The following AGBL1 variants were observed in gnomAD, a reference collection of about 807,000 sequenced individuals.
The protein encoded by AGBL1 is AGBL carboxypeptidase 1, also known as cytosolic carboxypeptidase 4.
AGBL1 carries 130 observed loss-of-function variants against 118.9 expected under a neutral mutation model. The ratio of observed to expected loss-of-function variants is 1.09; its 90% CI spans 0.95 to 1.26. The LOEUF (loss-of-function observed/expected upper bound fraction) is 1.26. AGBL1 is among the 50% of genes most tolerant of loss of function. The pLI, the probability that AGBL1 is intolerant of heterozygous loss-of-function variation, is 0.00. For missense variants in AGBL1, 1,584 were observed against 1,298.1 expected, an observed-to-expected ratio of 1.22 and a Z score of -3.38; for synonymous variants, 555 against 478.9, an observed-to-expected ratio of 1.16 and a Z score of -2.08.
At chr15:86,224,050 T>C (rs1463028499) in intron 5 of AGBL1, among the ~76,000 whole-genome samples, 3 of 152,206 alleles carry the variant, frequency 2.0e-5, no homozygotes, top group Non-Finnish European at 4.4e-5. Flanking sequence ...CTCTTTGGCC[T>C]GTTCCTCCAA....
At chr15:86,166,605 G>C (rs1039713375) in intron 5 of AGBL1, among the ~76,000 whole-genome samples, 2 of 152,202 alleles carry the variant, frequency 1.3e-5, no homozygotes, top group Non-Finnish European at 2.9e-5. Context: ...CTAATCCCCT[G>C]TCACCTGGGT....
chr15:86,254,481 G>C (rs1323190272), intron 7 of AGBL1, among the ~76,000 whole-genome samples: 1 of 152,212 alleles, frequency 6.6e-6, no homozygotes, highest in Admixed American at 6.5e-5. Flanking sequence ...CATGCAAGTA[G>C]GGTATTTATT....
chr15:86,743,521 A>AG (rs2077710574), intron 22 of AGBL1, among the ~76,000 whole-genome samples: 3 of 152,110 alleles, frequency 2.0e-5, no homozygotes, highest in Non-Finnish European at 4.4e-5. Flanking sequence ...TTGTGGCCAT[A>AG]GTGCATGTGG....
chr15:86,483,983 A>C (rs2082683929), intron 18 of AGBL1, among the ~76,000 whole-genome samples: 1 of 152,038 alleles, frequency 6.6e-6, no homozygotes, highest in South Asian at 2.1e-4. Context: ...TTTCCAGTTC[A>C]AGTTTGAAGG....
intron 21 of AGBL1, among the ~76,000 whole-genome samples, chr15:86,623,459 G>T (rs2084841897): frequency 6.6e-6 from 1 of 152,184 alleles, no homozygotes; most frequent in Non-Finnish European, 1.5e-5. Flanking sequence ...AGCTGTCTAG[G>T]ATATGCAGAA....
At chr15:86,232,795 A>G (rs1025365722) in intron 6 of AGBL1, among the ~76,000 whole-genome samples, 6 of 152,128 alleles carry the variant, frequency 3.9e-5, no homozygotes, top group African/African-American at 1.4e-4. Context: ...CCATGTAAGG[A>G]CAATGCCCTC....
rs932981365 is a variant in AGBL1 at position 86,800,248 on chromosome 15, G to A, written c.3159-106839G>A. Reference sequence around the variant, plus strand: ...ACATATTATTTTGGGACATATTTATGAGCTGTAGTTTGCAAAACCATGCCA... The same window carrying A: ...ACATATTATTTTGGGACATATTTATAAGCTGTAGTTTGCAAAACCATGCCA... On this transcript the variant is annotated intron_variant, in intron 22 of 22. Coordinates refer to ENST00000614907, the MANE Select transcript of AGBL1 (RefSeq NM_001386094.1). 2.0e-5 allele frequency among the ~76,000 whole-genome samples: 3 copies of A among 152,034 alleles called. No homozygotes were observed. In the East Asian group the frequency reaches 5.8e-4, roughly 29 times the overall value.
intron 17 of AGBL1, among the ~76,000 whole-genome samples, chr15:86,333,792 G>T (rs911541595): frequency 2.0e-5 from 3 of 152,088 alleles, no homozygotes; most frequent in African/African-American, 7.2e-5. Context: ...TCAACAAAAT[G>T]CTAGCAAGCT....
chr15:86,943,595 T>C (rs986810021), intron 23 of AGBL1, among the ~76,000 whole-genome samples: 1 of 152,184 alleles, frequency 6.6e-6, no homozygotes, highest in African/African-American at 2.4e-5. Context: ...CCTAATCTTT[T>C]GTTATGCAGA....
intron 21 of AGBL1, among the ~76,000 whole-genome samples, chr15:86,572,164 G>C (rs549763647): frequency 1.3e-5 from 2 of 152,162 alleles, no homozygotes; most frequent in Admixed American, 1.3e-4. Context: ...AGTGGGAGCA[G>C]GCACTTCCGG....
chr15:86,157,610 T>A (rs2077209790), intron 4 of AGBL1, among the ~76,000 whole-genome samples: 1 of 152,140 alleles, frequency 6.6e-6, no homozygotes. Context: ...TTAAAAAAAT[T>A]ATACTGTCAC....
chr15:86,888,925 C>T (rs1037078016), intron 22 of AGBL1, among the ~76,000 whole-genome samples: 1 of 152,028 alleles, frequency 6.6e-6, no homozygotes, highest in Non-Finnish European at 1.5e-5. Flanking sequence ...CAATAGATGG[C>T]GTTAATTTCT....
At chr15:86,830,864 A>G (rs570035290) in intron 22 of AGBL1, among the ~76,000 whole-genome samples, 46 of 152,276 alleles carry the variant, frequency 3.0e-4, no homozygotes, top group African/African-American at 8.9e-4. Flanking sequence ...TCATATAACA[A>G]TGCTTCAGAT....
intron 5 of AGBL1, among the ~76,000 whole-genome samples, chr15:86,174,032 G>A (rs1319945577): frequency 6.6e-6 from 1 of 151,664 alleles, no homozygotes; most frequent in East Asian, 1.9e-4. Flanking sequence ...TTGCTTTGGA[G>A]TAGTATAGTC....
chr15:86,690,736 T>C (rs1222171544), intron 22 of AGBL1, among the ~76,000 whole-genome samples: 1 of 152,186 alleles, frequency 6.6e-6, no homozygotes, highest in Non-Finnish European at 1.5e-5. Flanking sequence ...TAGAAAATTA[T>C]GCTTCATTCC....
At chr15:86,720,090 C>T (rs1437757727) in intron 22 of AGBL1, among the ~76,000 whole-genome samples, 2 of 152,196 alleles carry the variant, frequency 1.3e-5, no homozygotes, top group Non-Finnish European at 2.9e-5. Flanking sequence ...CAAGTATATA[C>T]AGATTACTGT....
intron 3 of AGBL1, among the ~76,000 whole-genome samples, chr15:86,152,845 C>A (rs2077132427): frequency 6.6e-6 from 1 of 152,264 alleles, no homozygotes; most frequent in South Asian, 2.1e-4. Flanking sequence ...AAAAAGTGGG[C>A]AAAGGATATG....
intron 5 of AGBL1, among the ~76,000 whole-genome samples, chr15:86,185,517 C>A (rs1291395869): frequency 6.6e-6 from 1 of 152,094 alleles, no homozygotes; most frequent in Non-Finnish European, 1.5e-5. Flanking sequence ...AAATGTCCAT[C>A]AATGATAGAC....
chr15:86,852,340 C>T (rs1361271601), intron 22 of AGBL1, among the ~76,000 whole-genome samples: 1 of 152,148 alleles, frequency 6.6e-6, no homozygotes, highest in Non-Finnish European at 1.5e-5. Context: ...CAAACACCTC[C>T]CTCTCTCCAC....
Sources: gnomAD v4.1 joint callset for allele counts (sites outside exome capture counted in the v4.1 genomes callset) on GRCh38, gnomAD v4.1.1 for gene constraint, MANE v1.5 for transcripts, NCBI Gene and HGNC (gene_info 2026-07-23, HGNC 2026-07-21) for gene names.